Variants in C1S observed in about 807,000 individuals in gnomAD.
C1S encodes the protein complement C1s subcomponent.
C1S carries 31 observed loss-of-function variants against 54.0 expected under a neutral mutation model. The observed-to-expected ratio is 0.57, with a 90% CI of 0.43 to 0.78. The LOEUF is 0.78. C1S is among the 30% of genes least tolerant of loss of function. The probability of loss-of-function intolerance (pLI) is 0.00; values close to 1 mark genes in which losing one functional copy is unlikely to be tolerated. For missense variants in C1S, 727 were observed against 851.8 expected, an observed-to-expected ratio of 0.85 and a Z score of 1.82; for synonymous variants, 292 against 303.6, an observed-to-expected ratio of 0.96 and a Z score of 0.40.
intron 5 of C1S, among the ~76,000 whole-genome samples, chr12:7,064,678 C>T (rs1279408590): frequency 3.3e-5 from 5 of 152,062 alleles, no homozygotes; most frequent in Non-Finnish European, 5.9e-5. Flanking sequence ...GTAGTTTTCT[C>T]GCCCCTGTTT....
chr12:7,067,894 T>A, intron 10 of C1S, 123 bp downstream of exon 10: 5 of 1,056,144 alleles, frequency 4.7e-6, no homozygotes, highest in Middle Eastern at 2.4e-4. Context: ...ACATTGTTCA[T>A]CCCCTTGGCT....
chr12:7,062,795 G>A, intron 3 of C1S, 95 bp from the exon 4 acceptor site: 3 of 1,511,580 alleles, frequency 2.0e-6, no homozygotes, highest in Middle Eastern at 4.4e-4. Context: ...TCAAGTCCTA[G>A]TGGCATAAAT....
rs782124537 is a variant in C1S at position 7,068,517 on chromosome 12, G to A, written c.1257G>A (p.Pro419=). 70 of 1,612,864 alleles carry A rather than the reference G, an allele frequency of 4.3e-5. 1 individual carries two copies. Among genetic ancestry groups the A allele is most frequent in the Admixed American group, 1.7e-4 (10 of 59,990 alleles). Reference sequence around the variant, plus strand: ...ATGAGGTGCTGGGCCCGGAGCTGCCGAAATGTGTTCCAGGTAAGGAGGGCT... The same window carrying A: ...ATGAGGTGCTGGGCCCGGAGCTGCCAAAATGTGTTCCAGGTAAGGAGGGCT... The part of the protein sequence containing the change: ...WVNEVLGPEL[P]KCVPVCGVPR... The change falls in exon 11 of 12, where the codon CCG becomes CCA. Residue 419 remains proline (P), a synonymous_variant. Coordinates refer to ENST00000360817, the MANE Select transcript of C1S (RefSeq NM_001734.5).
chr12:7,066,435 AGT>A, intron 7 of C1S, 81 bp from the exon 8 acceptor site: 1 of 824,284 alleles, frequency 1.2e-6, no homozygotes, highest in South Asian at 1.4e-5. Context: ...GATTTTAGAA[AGT>A]GTGAGAATGA....
Position 7,067,118 on chromosome 12 carries a change from G to A in C1S, c.1066+1G>A, listed in dbSNP as rs112225079. 5 of 1,566,116 alleles carry A rather than the reference G, an allele frequency of 3.2e-6. No individual in the cohort carries two copies. The highest frequency in any genetic ancestry group is 1.7e-5 in the Admixed American group (1 of 59,968). Reference sequence around the variant, plus strand: ...AGTAATTCCAAACTGAAATGTCAACGTATGTGTCTCTTCAAAGTGGAAGTC... The same window carrying A: ...AGTAATTCCAAACTGAAATGTCAACATATGTGTCTCTTCAAAGTGGAAGTC... On this transcript the variant is annotated splice_donor_variant, in intron 9 of 11. Transcript: ENST00000360817. LOFTEE classifies it high-confidence loss of function.
At position 7,063,955 on chromosome 12, in the gene C1S, C is replaced by G. The variant is rs146873912; in HGVS notation, c.392-312C>G. 62 of 476,430 alleles carry G rather than the reference C, an allele frequency of 1.3e-4. 1 individual carries two copies. The East Asian group carries it at 3.5e-3, about 27-fold the overall frequency. The allele number at this position is 476,430 out of a possible 1,614,324, so 29.5% of individuals were successfully genotyped here. A position where few individuals can be genotyped will look rare whatever the true frequency, so the allele number is the denominator to read the frequency against. On this transcript the variant is annotated intron_variant, in intron 4 of 11. Transcript: ENST00000360817. ...GAGGCGTGAGACTTGTTTGAACTTG[C>G]TTGAAAATGTGGAGGTTGCAGTGAG...
At chr12:7,066,859 C>A in intron 8 of C1S, 180 bp from the exon 9 acceptor site, 1 of 709,560 alleles carries the variant, frequency 1.4e-6, no homozygotes, top group Non-Finnish European at 2.6e-6. Flanking sequence ...GGAGTTGACA[C>A]GTTGGGGCAA....
rs782183485 is a variant in C1S, at chr12:7,062,132, G to A, written c.5+215G>A. The A allele has an allele frequency of 5.1e-4, 301 of 589,338 alleles. 4 individuals carry two copies. The South Asian group carries it at 5.3e-3, about 10-fold the overall frequency. 36.5% of individuals were successfully genotyped at this position (589,338 alleles called of 1,614,324 possible). ...TAAAAAAAAAAAAAATTAGCCCAGC[G>A]TCATGCGTGTCACCTGTGGTCCCTG... On this transcript the variant is annotated intron_variant, in intron 2 of 11. Transcript: ENST00000360817.
At chr12:7,064,091 G>A (rs1173388327) in intron 4 of C1S, 176 bp from the exon 5 acceptor site, 2 of 744,930 alleles carry the variant, frequency 2.7e-6, no homozygotes, top group East Asian at 5.4e-5. Context: ...GCTCAACTCT[G>A]GAATCATATG....
chr12:7,063,922 G>A (rs1555161651), intron 4 of C1S: 5 of 446,566 alleles, frequency 1.1e-5, no homozygotes, highest in South Asian at 3.2e-5. Flanking sequence ...CCAGCTCCTC[G>A]GGAGGTAGAG....
rs1937798583 is a variant in C1S at position 7,069,979 on chromosome 12, T to C, written c.1395T>C (p.Ile465=). 6.2e-7 allele frequency: 1 copy of C among 1,614,042 alleles called. No individual in the cohort carries two copies. The change falls in exon 12 of 12, where the codon ATT becomes ATC. Residue 465 remains isoleucine, a synonymous_variant. Coordinates refer to ENST00000360817, the MANE Select transcript of C1S (RefSeq NM_001734.5). ...FDNPWAGGAL[I]NEYWVLTAAH... ...ACCCATGGGCTGGTGGAGCGCTCAT[T>C]AATGAGTACTGGGTGCTGACGGCTG...
At chr12:7,063,178 A>G in intron 4 of C1S, 111 bp downstream of exon 4, 1 of 1,090,652 alleles carries the variant, frequency 9.2e-7, no homozygotes. Flanking sequence ...TCTTATAAAA[A>G]GTGTTGACTT....
At chr12:7,062,724 G>C (rs1555161432) in intron 3 of C1S, 42 bp downstream of exon 3, 1 of 1,584,706 alleles carries the variant, frequency 6.3e-7, no homozygotes, top group South Asian at 1.1e-5. Flanking sequence ...GAAGACTAGG[G>C]CTAAGGTAGC....
chr12:7,063,144 T>C (rs1555161558), intron 4 of C1S, 77 bp downstream of exon 4: 6 of 1,312,598 alleles, frequency 4.6e-6, no homozygotes, highest in East Asian at 2.3e-5. Context: ...GAGCAACACA[T>C]TGAATGAGGA....
At position 7,065,489 on chromosome 12, in the gene C1S, G is replaced by T. The variant is rs781914833; in HGVS notation, c.717+190G>T. 189 of 690,748 alleles carry T rather than the reference G, an allele frequency of 2.7e-4. 1 individual carries two copies. Among genetic ancestry groups the T allele is most frequent in the South Asian group, 2.6e-3 (170 of 65,564 alleles). The allele number at this position is 690,748 out of a possible 1,614,324, so 42.8% of individuals were successfully genotyped here. A position where few individuals can be genotyped will look rare whatever the true frequency, so the allele number is the denominator to read the frequency against. On this transcript the variant is annotated intron_variant, in intron 6 of 11. Coordinates refer to ENST00000360817, the MANE Select transcript of C1S (RefSeq NM_001734.5). ...TCCCACCTCAGCCTCCTGAGTAGCT[G>T]GGCCCACAGACGTGTGTCATCAAAC...
chr12:7,066,196 AT>A, intron 7 of C1S: 1 of 612,100 alleles, frequency 1.6e-6, no homozygotes, highest in Non-Finnish European at 2.9e-6. Context: ...CAAAGCAACA[AT>A]AATTTAAAAA....
At chr12:7,067,195 G>C in intron 9 of C1S, 78 bp downstream of exon 9, 5 of 1,049,038 alleles carry the variant, frequency 4.8e-6, no homozygotes, top group Non-Finnish European at 7.5e-6. Context: ...AAATTCAAAT[G>C]CATGGTTTCC....
rs1947091860 is a variant in C1S at position 7,061,804 on chromosome 12, G to A, written c.-74-35G>A. On this transcript the variant is annotated intron_variant, in intron 1 of 11. Transcript: ENST00000360817. ...ACCACCAAAGAAGGTGCTTGTGTTT[G>A]TCAGACAAATACAGCCAGGCCTGCC... 6 of 1,256,570 alleles carry A rather than the reference G, an allele frequency of 4.8e-6. No homozygotes were observed. In the East Asian group the frequency reaches 1.2e-4, roughly 25 times the overall value. The allele number at this position is 1,256,570 out of a possible 1,614,324, so 77.8% of individuals were successfully genotyped here.
chr12:7,065,116 T>C lies in C1S; in HGVS notation c.534T>C (p.Asp178=), dbSNP rs1947154172. ...CTCTGTTAGTTAATTGCAGTGGGGATGTATTCACTGCACTGATTGGGGAGA... is the reference window on the plus strand; with the variant it reads ...CTCTGTTAGTTAATTGCAGTGGGGACGTATTCACTGCACTGATTGGGGAGA... ...MKNCGVNCSG[D]VFTALIGEIA... is the part of the protein sequence containing the mutation. Residue 178 remains aspartate, a synonymous_variant, in exon 6 of 12, where the codon GAT becomes GAC. Coordinates refer to ENST00000360817, the MANE Select transcript of C1S (RefSeq NM_001734.5). The C allele has an allele frequency of 6.2e-7, 1 of 1,613,004 alleles. No individual in the cohort carries two copies. Among genetic ancestry groups the C allele is most frequent in the Admixed American group, 1.7e-5 (1 of 60,000 alleles).
Sources: gnomAD v4.1 joint callset for allele counts (sites outside exome capture counted in the v4.1 genomes callset) on GRCh38, gnomAD v4.1.1 for gene constraint, MANE v1.5 for transcripts, NCBI Gene and HGNC (gene_info 2026-07-23, HGNC 2026-07-21) for gene names.